Variants in ADAMTS9 observed in about 807,000 individuals in gnomAD.
The protein encoded by ADAMTS9 is A disintegrin and metalloproteinase with thrombospondin motifs 9.
ADAMTS9 carries 107 observed loss-of-function variants against 257.1 expected under a neutral mutation model. That is an observed-to-expected ratio of 0.42 (90% CI 0.36 to 0.49). The LOEUF (loss-of-function observed/expected upper bound fraction) is 0.49. ADAMTS9 is among the 20% of genes least tolerant of loss of function. The pLI is 0.03. For missense variants in ADAMTS9, 2,353 were observed against 2,469.1 expected, an observed-to-expected ratio of 0.95 and a Z score of 1.00; for synonymous variants, 982 against 880.9, an observed-to-expected ratio of 1.11 and a Z score of -2.03.
intron 28 of ADAMTS9, chr3:64,592,557 T>C (rs1576092560): frequency 6.6e-6 from 1 of 152,278 alleles, no homozygotes; most frequent in East Asian, 1.9e-4. Flanking sequence ...AGGAAGAGAA[T>C]ACCATGGAAA....
intron 38 of ADAMTS9, among the ~76,000 whole-genome samples, chr3:64,526,962 T>A (rs1268266026): frequency 6.6e-6 from 1 of 152,148 alleles, no homozygotes; most frequent in African/African-American, 2.4e-5. Flanking sequence ...CTATAAAATT[T>A]AAAAAATAAA....
Position 64,615,493 on chromosome 3 carries a change from G to A in ADAMTS9, c.3025-8C>T, listed in dbSNP as rs992046604. The A allele has an allele frequency of 1.0e-5, 16 of 1,598,298 alleles. No individual in the cohort carries two copies. The highest frequency in any genetic ancestry group is 1.4e-5 in the Non-Finnish European group (16 of 1,174,798). On this transcript the variant is annotated splice_polypyrimidine_tract_variant and splice_region_variant and intron_variant, in intron 20 of 39. Coordinates refer to ENST00000498707, the MANE Select transcript of ADAMTS9 (RefSeq NM_182920.2). The stretch of plus-strand genomic sequence containing the variant: ...GTCACAGCTTTTTGAACACTGTAGG[G>A]ACAAAATAAATAAATAAAACTGTTG...
chr3:64,627,151 T>C (rs1559799021), intron 16 of ADAMTS9, among the ~76,000 whole-genome samples: 2 of 152,208 alleles, frequency 1.3e-5, no homozygotes, highest in African/African-American at 2.4e-5. Flanking sequence ...TAATCCAGTG[T>C]GGTCATATGC....
chr3:64,603,609 C>A (rs560999575), intron 25 of ADAMTS9, among the ~76,000 whole-genome samples: 12 of 152,250 alleles, frequency 7.9e-5, no homozygotes, highest in Middle Eastern at 3.4e-3. Context: ...TGGTCCTCTA[C>A]AAACCTACTG....
At chr3:64,661,817 G>T (rs1397171131) in intron 3 of ADAMTS9, among the ~76,000 whole-genome samples, 2 of 152,026 alleles carry the variant, frequency 1.3e-5, no homozygotes, top group Non-Finnish European at 2.9e-5. Context: ...AATAGTCCTT[G>T]CTTAATGTCT....
In ADAMTS9 at chr3:64,681,342, C is replaced by G. The variant is rs147446957; in HGVS notation, c.538G>C (p.Asp180His). Reference sequence around the variant, plus strand: ...AGTGGTTCAATAAAATAATCCCCATCATGAGACCGGAATGTGCCCAGCTGC... The same window carrying G: ...AGTGGTTCAATAAAATAATCCCCATGATGAGACCGGAATGTGCCCAGCTGC... ...SGMLGTFRSHDGDYFIEPLQS... is the reference protein window; with the variant it reads ...SGMLGTFRSHHGDYFIEPLQS... The change falls in exon 3 of 40, where the codon GAT becomes CAT. Residue 180 changes from aspartate (D) to histidine (H), a missense_variant. By Grantham distance (81) the Asp-to-His change is moderately conservative (BLOSUM62 -1). This residue lies in a region of ADAMTS9 where 591 missense variants were observed against 569.6 expected (regional missense o/e 1.04). Coordinates refer to ENST00000498707, the MANE Select transcript of ADAMTS9 (RefSeq NM_182920.2). 8 of 1,612,594 alleles carry G rather than the reference C, an allele frequency of 5.0e-6. No homozygotes were observed. Among genetic ancestry groups the G allele is most frequent in the Admixed American group, 1.7e-5 (1 of 59,838 alleles).
intron 22 of ADAMTS9, among the ~76,000 whole-genome samples, chr3:64,607,632 A>T (rs1471740625): frequency 1.3e-5 from 2 of 152,214 alleles, no homozygotes; most frequent in Admixed American, 6.5e-5. Context: ...AAAAACAGTA[A>T]GTAGAGGAAG....
At chr3:64,619,826 C>T (rs920723124) in intron 19 of ADAMTS9, among the ~76,000 whole-genome samples, 1 of 152,006 alleles carries the variant, frequency 6.6e-6, no homozygotes, top group Non-Finnish European at 1.5e-5. Context: ...GGAATCTATC[C>T]ACCAATTCAT....
chr3:64,526,398 A>C (rs141448219), intron 38 of ADAMTS9, among the ~76,000 whole-genome samples: 4 of 152,196 alleles, frequency 2.6e-5, no homozygotes, highest in African/African-American at 9.6e-5. Flanking sequence ...TTAATTCTTA[A>C]AAATTCGTAG....
chr3:64,546,645 C>T, intron 32 of ADAMTS9, 113 bp downstream of exon 32: 3 of 1,180,076 alleles, frequency 2.5e-6, no homozygotes, highest in South Asian at 3.3e-5. Flanking sequence ...TTGCTAACTC[C>T]AGGGTTTCTC....
In ADAMTS9 at chr3:64,602,305, T is replaced by C. The variant is rs977475368; in HGVS notation, c.3748-92A>G. The C allele has an allele frequency of 7.4e-6, 11 of 1,476,540 alleles. No individual in the cohort carries two copies. In the African/African-American group the frequency reaches 1.5e-4, roughly 20 times the overall value. The allele number at this position is 1,476,540 out of a possible 1,614,324, so 91.5% of individuals were successfully genotyped here. ...TGCATTTCTGTAAATGGCCCACCACTTTCCCAAATTGCTCAGGCCAAAAAC... is the reference window on the plus strand; with the variant it reads ...TGCATTTCTGTAAATGGCCCACCACCTTCCCAAATTGCTCAGGCCAAAAAC... On this transcript the variant is annotated intron_variant, in intron 25 of 39. Transcript: ENST00000498707.
At chr3:64,594,209 C>A in intron 28 of ADAMTS9, 49 bp downstream of exon 28, 3 of 1,561,582 alleles carry the variant, frequency 1.9e-6, no homozygotes, top group Non-Finnish European at 2.6e-6. Context: ...CCCAGAATAC[C>A]TTGGAATTAG....
intron 30 of ADAMTS9, 108 bp downstream of exon 30, chr3:64,561,470 T>C: frequency 7.9e-7 from 1 of 1,267,976 alleles, no homozygotes; most frequent in Middle Eastern, 2.2e-4. Context: ...GAGCCAGCAT[T>C]GTAACCGTGC....
chr3:64,601,833 T>C (rs1230972399), intron 26 of ADAMTS9, 111 bp downstream of exon 26: 9 of 1,304,680 alleles, frequency 6.9e-6, no homozygotes, highest in African/African-American at 3.0e-5. Flanking sequence ...AAATGCACAA[T>C]GTCAATCCCT....
intron 36 of ADAMTS9, 124 bp downstream of exon 36, chr3:64,540,971 C>T (rs1430134093): frequency 7.8e-7 from 1 of 1,280,846 alleles, no homozygotes; most frequent in East Asian, 2.4e-5. Flanking sequence ...CCTCTCCATA[C>T]TAGCCAATGT....
intron 36 of ADAMTS9, among the ~76,000 whole-genome samples, chr3:64,540,818 ATTCAG>A (rs2083111411): frequency 2.6e-5 from 4 of 152,228 alleles, no homozygotes; most frequent in African/African-American, 9.6e-5. Context: ...TCATTCATTC[ATTCAG>A]TTCATTCATC....
In ADAMTS9 at chr3:64,658,653, G is replaced by C; in HGVS notation, c.818C>G (p.Thr273Arg). ...GGTCCTCTTTTCTCTTGTGTTGTCC[G>C]TCTTATTACCATAAGCAGAAAATGC... Reference protein sequence around the residue: ...TEAFSAYGNKTDNTREKRTHR... With the variant: ...TEAFSAYGNKRDNTREKRTHR... The change falls in exon 4 of 40, where the codon ACG becomes AGG. Residue 273 changes from threonine to arginine, a missense_variant. Thr to Arg is a moderately conservative substitution (Grantham distance 71). Transcript: ENST00000498707. 6.2e-7 allele frequency: 1 copy of C among 1,613,840 alleles called. No individual in the cohort carries two copies. The highest frequency in any genetic ancestry group is 8.5e-7 in the Non-Finnish European group (1 of 1,179,994).
intron 3 of ADAMTS9, among the ~76,000 whole-genome samples, chr3:64,660,563 C>T (rs575682231): frequency 4.6e-5 from 7 of 152,270 alleles, no homozygotes; most frequent in Admixed American, 3.3e-4. Flanking sequence ...CACTATCCTG[C>T]CCCATCCTGC....
intron 28 of ADAMTS9, among the ~76,000 whole-genome samples, chr3:64,577,479 G>C (rs185914816): frequency 3.3e-5 from 5 of 152,206 alleles, no homozygotes; most frequent in African/African-American, 1.2e-4. Flanking sequence ...TATGAAAGCC[G>C]TCTGGAAGAC....
Sources: allele counts gnomAD v4.1 joint callset (sites outside exome capture counted in the v4.1 genomes callset), GRCh38; gene constraint gnomAD v4.1.1; regional missense constraint gnomAD v4.1.1; transcripts MANE v1.5; gene names NCBI Gene and HGNC (gene_info 2026-07-23, HGNC 2026-07-21).